The following COLEC12 variants were observed in gnomAD, a reference collection of about 807,000 sequenced individuals.
COLEC12 encodes the protein collectin-12.
COLEC12 carries 33 observed loss-of-function variants against 71.1 expected under a neutral mutation model. The observed-to-expected ratio is 0.46, with a 90% CI of 0.35 to 0.62. The LOEUF (loss-of-function observed/expected upper bound fraction) is 0.62. Among genes scored for constraint, COLEC12 ranks in the 20% least tolerant of loss-of-function variants. COLEC12 has a pLI of 0.00. For missense variants in COLEC12, 765 were observed against 916.1 expected, an observed-to-expected ratio of 0.84 and a Z score of 2.13; for synonymous variants, 350 against 353.0, an observed-to-expected ratio of 0.99 and a Z score of 0.10.
chr18:459,660 T>A (rs998536978), intron 2 of COLEC12, among the ~76,000 whole-genome samples: 3 of 152,238 alleles, frequency 2.0e-5, no homozygotes, highest in African/African-American at 7.2e-5. Flanking sequence ...CCGCAATGCC[T>A]GTGTCTAACC....
intron 2 of COLEC12, among the ~76,000 whole-genome samples, chr18:419,148 CTTCTATTCTA>C (rs57522856): frequency 0.14 from 19,710 of 145,362 alleles, 1,450 homozygotes; most frequent in East Asian, 0.18. Flanking sequence ...AGGCATCATA[CTTCTATTCTA>C]TTCTATTCTA....
rs188956265 is a variant in COLEC12 at position 485,130 on chromosome 18, C to T, written c.8-4373G>A. On this transcript the variant is annotated intron_variant, in intron 1 of 9. Transcript: ENST00000400256. ...ACAATGTGCAATGCTACATTCTGTC[C>T]TCAAAACCTTTTCCTCACACCATAT... Among the ~76,000 whole-genome samples, 6 of 152,332 alleles carry T rather than the reference C, an allele frequency of 3.9e-5. No individual in the cohort carries two copies. In the East Asian group the frequency reaches 1.2e-3, roughly 29 times the overall value.
intron 2 of COLEC12, among the ~76,000 whole-genome samples, chr18:479,115 T>C (rs1917359969): frequency 6.6e-6 from 1 of 152,220 alleles, no homozygotes; most frequent in South Asian, 2.1e-4. Flanking sequence ...GGTTTTCCTC[T>C]TGATTCCTAT....
chr18:388,846 T>C (rs1487314369), intron 2 of COLEC12, among the ~76,000 whole-genome samples: 1 of 152,178 alleles, frequency 6.6e-6, no homozygotes, highest in Non-Finnish European at 1.5e-5. Flanking sequence ...CTTAGGGTCT[T>C]CCTGCCTCCA....
chr18:451,742 A>C (rs1916765807), intron 2 of COLEC12, among the ~76,000 whole-genome samples: 1 of 148,338 alleles, frequency 6.7e-6, no homozygotes, highest in African/African-American at 2.4e-5. Context: ...GCGAGACTCC[A>C]TCTCAAAAAA....
At position 480,820 on chromosome 18, in the gene COLEC12, C is replaced by T; in HGVS notation, c.8-63G>A. 1 of 1,365,164 alleles carries T rather than the reference C, an allele frequency of 7.3e-7. No homozygotes were observed. Among genetic ancestry groups the T allele is most frequent in the Non-Finnish European group, 1.0e-6 (1 of 952,638 alleles). 84.6% of individuals were successfully genotyped at this position (1,365,164 alleles called of 1,614,324 possible). ...AGGGGCACAGAAGCAGAGGGTGGGG[C>T]AGGATGCGACCTGCTTCATCGCCCC... On this transcript the variant is annotated intron_variant, in intron 1 of 9. Coordinates refer to ENST00000400256, the MANE Select transcript of COLEC12 (RefSeq NM_130386.3). This position sits in a 1 kb window ranked among gnomAD's most constrained non-coding sequence, Gnocchi z 4.1.
intron 2 of COLEC12, among the ~76,000 whole-genome samples, chr18:365,798 G>A (rs763268633): frequency 3.3e-5 from 5 of 152,140 alleles, no homozygotes; most frequent in East Asian, 3.9e-4. Context: ...AGTTGCTCCC[G>A]CACCCTCTGA....
chr18:465,899 C>T (rs1360417500), intron 2 of COLEC12, among the ~76,000 whole-genome samples: 3 of 151,996 alleles, frequency 2.0e-5, no homozygotes, highest in Non-Finnish European at 2.9e-5. Flanking sequence ...ATGGCAAAAC[C>T]CAGTCTCTAC....
intron 2 of COLEC12, among the ~76,000 whole-genome samples, chr18:438,232 T>G (rs749500012): frequency 5.5e-4 from 84 of 152,360 alleles, no homozygotes; most frequent in Middle Eastern, 3.4e-3. Flanking sequence ...ATAAACCTCA[T>G]GCTATTACAA....
intron 1 of COLEC12, among the ~76,000 whole-genome samples, chr18:481,908 T>A (rs1161927585): frequency 6.6e-6 from 1 of 152,094 alleles, no homozygotes; most frequent in Non-Finnish European, 1.5e-5. Context: ...AGGACACTTT[T>A]TTTTTTCTTT....
chr18:475,648 G>A (rs929033289), intron 2 of COLEC12, among the ~76,000 whole-genome samples: 3 of 152,130 alleles, frequency 2.0e-5, no homozygotes, highest in Non-Finnish European at 4.4e-5. Flanking sequence ...GCAGACACTC[G>A]CCATGTGCCT....
intron 2 of COLEC12, among the ~76,000 whole-genome samples, chr18:460,912 G>T (rs1185989850): frequency 6.6e-6 from 1 of 152,140 alleles, no homozygotes; most frequent in Admixed American, 6.5e-5. Flanking sequence ...ACAGGACTTT[G>T]CTTTAATGTC....
chr18:351,728 C>T (rs952038091), intron 3 of COLEC12, among the ~76,000 whole-genome samples: 8 of 152,202 alleles, frequency 5.3e-5, no homozygotes, highest in East Asian at 1.9e-4. Flanking sequence ...TTACCACGCC[C>T]GGCTAATTTT....
rs1245767050 is a variant in COLEC12, at chr18:346,214, T to A, written c.1327+81A>T. ...CTATGAGATGATGAATATTTATTGT[T>A]TTAAATTGCCAAGTTTTAGAGTAAC... On this transcript the variant is annotated intron_variant, in intron 5 of 9. Coordinates refer to ENST00000400256, the MANE Select transcript of COLEC12 (RefSeq NM_130386.3). The surrounding 1 kb of genome is among the most constrained non-coding windows in gnomAD (Gnocchi z 4.0). 3 of 1,104,948 alleles carry A rather than the reference T, an allele frequency of 2.7e-6. No individual in the cohort carries two copies. The highest frequency in any genetic ancestry group is 3.9e-6 in the Non-Finnish European group (3 of 770,844). 68.4% of individuals were successfully genotyped at this position (1,104,948 alleles called of 1,614,324 possible).
chr18:344,108 T>A (rs560472993), intron 5 of COLEC12, among the ~76,000 whole-genome samples: 2 of 152,176 alleles, frequency 1.3e-5, no homozygotes, highest in South Asian at 2.1e-4. Context: ...AATACCATGA[T>A]AAGATTGTCT....
At position 323,095 on chromosome 18, in the gene COLEC12, G is replaced by C. The variant is rs60588786; in HGVS notation, c.2064-1288C>G. Among the ~76,000 whole-genome samples the C allele has an allele frequency of 2.6e-3, 394 of 152,166 alleles. 14 individuals carry two copies. The South Asian group carries it at 0.065, about 25-fold the overall frequency. ...CAAAAATTAGCTGGGCATGGTGGCA[G>C]GCACCTGTAGTCCCAGCTACTTGGG... On this transcript the variant is annotated intron_variant, in intron 8 of 9. Transcript: ENST00000400256.
At chr18:431,403 A>G (rs1916300254) in intron 2 of COLEC12, among the ~76,000 whole-genome samples, 1 of 152,166 alleles carries the variant, frequency 6.6e-6, no homozygotes, top group African/African-American at 2.4e-5. Flanking sequence ...CAGGACAAGG[A>G]TCATGTCTCA....
intron 2 of COLEC12, among the ~76,000 whole-genome samples, chr18:478,719 T>C (rs1917351034): frequency 6.6e-6 from 1 of 152,230 alleles, no homozygotes; most frequent in Admixed American, 6.5e-5. Context: ...GCCTAGAGGC[T>C]GAATCCAAGA....
In COLEC12 at chr18:347,219, T is replaced by C. The variant is rs759392714; in HGVS notation, c.403A>G (p.Thr135Ala). The C allele has an allele frequency of 6.2e-7, 1 of 1,614,196 alleles. No homozygotes were observed. The highest frequency in any genetic ancestry group is 2.2e-5 in the East Asian group (1 of 44,888). The change falls in exon 5 of 10, where the codon ACG (threonine) becomes GCG (alanine). Residue 135 changes from threonine to alanine, a missense_variant. Physicochemically the swap from Thr to Ala is moderately conservative, Grantham distance 58. Coordinates refer to ENST00000400256, the MANE Select transcript of COLEC12 (RefSeq NM_130386.3). ...CCGCTCGCCTGTAACTTCTCCAGCG[T>C]ATCCTTGTTCTTGCTGGTTTTTTCT... ...ITEKTSKNKD[T>A]LEKLQASGDA...
Sources: allele counts gnomAD v4.1 joint callset (sites outside exome capture counted in the v4.1 genomes callset), GRCh38; gene constraint gnomAD v4.1.1; non-coding constraint Gnocchi (gnomAD v3.1); transcripts MANE v1.5; gene names NCBI Gene and HGNC (gene_info 2026-07-23, HGNC 2026-07-21).